Variants in TCEANC2 observed in about 807,000 individuals in gnomAD.
The protein encoded by TCEANC2 is transcription elongation factor A N-terminal and central domain containing 2, also known as transcription elongation factor A N-terminal and central domain-containing protein 2.
Under a neutral mutation model 22.8 loss-of-function variants are expected in TCEANC2, and 20 were observed. The ratio of observed to expected loss-of-function variants is 0.88; its 90% CI spans 0.62 to 1.28. The LOEUF (loss-of-function observed/expected upper bound fraction) is 1.28. TCEANC2 is among the 50% of genes most tolerant of loss of function. The pLI, the probability that TCEANC2 is intolerant of heterozygous loss-of-function variation, is 0.00. For synonymous variants in TCEANC2, 84 were observed against 95.5 expected (o/e 0.88, Z 0.70); for missense variants, 251 against 249.7 (o/e 1.01, Z -0.03).
At chr1:54,069,358 A>G (rs755238953) in intron 3 of TCEANC2, among the ~76,000 whole-genome samples, 16 of 152,192 alleles carry the variant, frequency 1.1e-4, no homozygotes, top group Non-Finnish European at 2.1e-4. Flanking sequence ...CTGTAATCCC[A>G]ACACTTGGGG....
intron 3 of TCEANC2, among the ~76,000 whole-genome samples, chr1:54,081,637 C>T (rs1658247162): frequency 6.6e-6 from 1 of 151,992 alleles, no homozygotes; most frequent in Non-Finnish European, 1.5e-5. Flanking sequence ...TCCCAGACTC[C>T]TTCTCTTTCT....
intron 4 of TCEANC2, among the ~76,000 whole-genome samples, chr1:54,094,024 C>T (rs1048342987): frequency 2.0e-5 from 3 of 152,100 alleles, no homozygotes; most frequent in African/African-American, 7.2e-5. Flanking sequence ...GTTCAGTGCC[C>T]GGAAAGGAAG....
intron 3 of TCEANC2, among the ~76,000 whole-genome samples, chr1:54,073,414 G>A (rs747766022): frequency 3.9e-5 from 6 of 152,200 alleles, no homozygotes; most frequent in Non-Finnish European, 7.4e-5. Context: ...ACCTCAGTAT[G>A]AGAGTCCCAG....
At chr1:54,055,337 G>A (rs1315024765) in intron 2 of TCEANC2, among the ~76,000 whole-genome samples, 5 of 152,208 alleles carry the variant, frequency 3.3e-5, no homozygotes, top group African/African-American at 4.8e-5. Context: ...GATGCAAAGA[G>A]TAGATACAAT....
At position 54,098,443 on chromosome 1, in the gene TCEANC2, T is replaced by A. The variant is rs1179860361; in HGVS notation, c.*1970T>A. On this transcript the variant is annotated 3_prime_UTR_variant, in exon 5 of 5. Coordinates refer to ENST00000234827, the MANE Select transcript of TCEANC2 (RefSeq NM_153035.3). ...TTGCTTTAGGTCTCTCTTTCCCTTA[T>A]CAAAAAGGCTTTTGCTGACTATCCT... The A allele has an allele frequency of 6.6e-6, 1 of 152,264 alleles. No individual in the cohort carries two copies. The highest frequency in any genetic ancestry group is 1.5e-5 in the Non-Finnish European group (1 of 68,062). 9.4% of individuals were successfully genotyped at this position (152,264 alleles called of 1,614,324 possible). A position where few individuals can be genotyped will look rare whatever the true frequency, so the allele number is the denominator to read the frequency against.
intron 3 of TCEANC2, among the ~76,000 whole-genome samples, chr1:54,084,955 C>T (rs1373112115): frequency 1.3e-5 from 2 of 152,146 alleles, no homozygotes; most frequent in African/African-American, 4.8e-5. Context: ...GTGCTTTGTG[C>T]TTTGTGCATT....
In TCEANC2 at chr1:54,106,030, G is replaced by A. The variant is rs1174527155; in HGVS notation, c.*9557G>A. On this transcript the variant is annotated 3_prime_UTR_variant, in exon 5 of 5. Transcript: ENST00000234827. ...TGTAATACAAAAGCAGCTGTGGACA[G>A]TATGTAAATGAATGAATGTGGCTGT... 6.6e-6 allele frequency: 1 copy of A among 152,218 alleles called. No homozygotes were observed. The highest frequency in any genetic ancestry group is 2.4e-5 in the African/African-American group (1 of 41,444). 9.4% of individuals were successfully genotyped at this position (152,218 alleles called of 1,614,324 possible). A position where few individuals can be genotyped will look rare whatever the true frequency, so the allele number is the denominator to read the frequency against.
intron 2 of TCEANC2, among the ~76,000 whole-genome samples, chr1:54,059,875 A>G (rs1270149371): frequency 6.6e-6 from 1 of 152,270 alleles, no homozygotes; most frequent in East Asian, 1.9e-4. Context: ...GCTTATGCCC[A>G]GCACAATGCT....
chr1:54,056,484 C>T (rs1369872204), intron 2 of TCEANC2, among the ~76,000 whole-genome samples: 2 of 151,914 alleles, frequency 1.3e-5, no homozygotes, highest in Admixed American at 1.3e-4. Flanking sequence ...CGCCACCACG[C>T]CTGGCTAATT....
intron 3 of TCEANC2, among the ~76,000 whole-genome samples, chr1:54,080,666 C>T (rs1199381967): frequency 5.9e-5 from 9 of 152,166 alleles, no homozygotes; most frequent in Non-Finnish European, 1.5e-5. Context: ...CTGGATTTTC[C>T]GGGTCTTGTC....
intron 3 of TCEANC2, among the ~76,000 whole-genome samples, chr1:54,072,459 C>G (rs190039601): frequency 1.3e-5 from 2 of 151,590 alleles, no homozygotes; most frequent in Non-Finnish European, 2.9e-5. Context: ...TGCAGTGGCG[C>G]GATCTCAGCT....
chr1:54,072,889 G>C (rs1658084001), intron 3 of TCEANC2, among the ~76,000 whole-genome samples: 1 of 151,978 alleles, frequency 6.6e-6, no homozygotes. Context: ...TATTGTTTCT[G>C]CTGACTGATG....
rs368133222 is a variant in TCEANC2, at chr1:54,101,629, C to T, written c.*5156C>T. 1 of 152,100 alleles carries T rather than the reference C, an allele frequency of 6.6e-6. No individual in the cohort carries two copies. The highest frequency in any genetic ancestry group is 1.5e-5 in the Non-Finnish European group (1 of 68,028). 9.4% of individuals were successfully genotyped at this position (152,100 alleles called of 1,614,324 possible). ...AGACTGTAAACAGACAATAAACAGA[C>T]AATTTTTACTATTTATTTTTATTTT... is the stretch of plus-strand genomic sequence containing the variant. On this transcript the variant is annotated 3_prime_UTR_variant, in exon 5 of 5. Transcript: ENST00000234827.
rs76808338 is a variant in TCEANC2 at position 54,096,541 on chromosome 1, G to T, written c.*68G>T. 3,516 of 1,526,596 alleles carry T rather than the reference G, an allele frequency of 2.3e-3. 65 individuals carry two copies. In the African/African-American group the frequency reaches 0.044, roughly 19 times the overall value. 94.6% of individuals were successfully genotyped at this position (1,526,596 alleles called of 1,614,324 possible). On this transcript the variant is annotated 3_prime_UTR_variant, in exon 5 of 5. Coordinates refer to ENST00000234827, the MANE Select transcript of TCEANC2 (RefSeq NM_153035.3). This position sits in a 1 kb window ranked among gnomAD's most constrained non-coding sequence, Gnocchi z 4.9. ...GGGCCTGTCTCTGCCGTTCAAAGAC[G>T]CTTTTGAGTTTGGGTGATGGCTGAT... is the stretch of plus-strand genomic sequence containing the variant.
At chr1:54,089,688 T>C (rs1658405406) in intron 4 of TCEANC2, among the ~76,000 whole-genome samples, 1 of 152,238 alleles carries the variant, frequency 6.6e-6, no homozygotes, top group Non-Finnish European at 1.5e-5. Flanking sequence ...GCTAGCTCTG[T>C]TACTACAGTC....
rs1254448555 is a variant in TCEANC2, at chr1:54,064,878, T to G, written c.103-3878T>G. ...CCATGCCCAGGTAATTTTTGTATTT[T>G]TAGTAGAGATGGGGTTTTGCCATGT... On this transcript the variant is annotated intron_variant, in intron 2 of 4. Coordinates refer to ENST00000234827, the MANE Select transcript of TCEANC2 (RefSeq NM_153035.3). 2.0e-5 allele frequency among the ~76,000 whole-genome samples: 3 copies of G among 152,066 alleles called. No homozygotes were observed. The East Asian group carries it at 5.8e-4, about 29-fold the overall frequency.
intron 3 of TCEANC2, among the ~76,000 whole-genome samples, chr1:54,077,058 G>A (rs953817525): frequency 1.3e-5 from 2 of 152,124 alleles, no homozygotes; most frequent in Non-Finnish European, 2.9e-5. Context: ...GGTGAGACAC[G>A]ATGAAGACTT....
rs1241090905 is a variant in TCEANC2 at position 54,100,273 on chromosome 1, A to G, written c.*3800A>G. 6.6e-6 allele frequency: 1 copy of G among 152,128 alleles called. No individual in the cohort carries two copies. The highest frequency in any genetic ancestry group is 1.5e-5 in the Non-Finnish European group (1 of 68,024). 9.4% of individuals were successfully genotyped at this position (152,128 alleles called of 1,614,324 possible). On this transcript the variant is annotated 3_prime_UTR_variant, in exon 5 of 5. Transcript: ENST00000234827. ...TAAAATAAAATAAAAATAAATAAAT[A>G]AAAATTGGAGGTCTTGGTCCTCTGT...
chr1:54,108,423 A>G (rs1658791298), downstream of TCEANC2, among the ~76,000 whole-genome samples: 1 of 152,190 alleles, frequency 6.6e-6, no homozygotes. Flanking sequence ...GTGAGCCCTA[A>G]TCCAGTATGA....
Sources: gnomAD v4.1 joint callset for allele counts (sites outside exome capture counted in the v4.1 genomes callset) on GRCh38, gnomAD v4.1.1 for gene constraint, Gnocchi (gnomAD v3.1) non-coding constraint, MANE v1.5 for transcripts, NCBI Gene and HGNC (gene_info 2026-07-23, HGNC 2026-07-21) for gene names.